Variants in GYS2 observed in about 807,000 individuals in gnomAD.
The protein encoded by GYS2 is glycogen synthase 2, also known as glycogen [starch] synthase, liver.
A neutral mutation model predicts 85.6 loss-of-function variants in GYS2; 80 were observed. The observed-to-expected ratio is 0.93, with a 90% CI of 0.78 to 1.13. The LOEUF (loss-of-function observed/expected upper bound fraction) is 1.13, where lower values mean the gene tolerates loss of function less well. Ranked by LOEUF, GYS2 falls within the 50% of genes most tolerant of loss-of-function variation. The probability of loss-of-function intolerance (pLI) is 0.00; values close to 1 mark genes in which losing one functional copy is unlikely to be tolerated. For missense variants in GYS2, 881 were observed against 854.9 expected, an observed-to-expected ratio of 1.03 and a Z score of -0.38; for synonymous variants, 328 against 300.7, an observed-to-expected ratio of 1.09 and a Z score of -0.94.
chr12:21,541,800 C>T (rs1314812392), intron 13 of GYS2, among the ~76,000 whole-genome samples: 1 of 152,042 alleles, frequency 6.6e-6, no homozygotes, highest in Non-Finnish European at 1.5e-5. Context: ...ATGATCCCAT[C>T]GCCCAGGTGA....
At chr12:21,583,992 G>A (rs112547622) in intron 1 of GYS2, among the ~76,000 whole-genome samples, 2 of 152,302 alleles carry the variant, frequency 1.3e-5, no homozygotes, top group African/African-American at 4.8e-5. Context: ...AGTTCCCTAT[G>A]ATCAGCTGAC....
At chr12:21,557,180 T>G (rs1388688389) in intron 11 of GYS2, among the ~76,000 whole-genome samples, 1 of 152,204 alleles carries the variant, frequency 6.6e-6, no homozygotes, top group Admixed American at 6.5e-5. Flanking sequence ...ATGGGTTCAT[T>G]TGAAAAGATT....
intron 1 of GYS2, among the ~76,000 whole-genome samples, chr12:21,595,756 C>G (rs913489321): frequency 6.6e-6 from 1 of 152,056 alleles, no homozygotes; most frequent in Non-Finnish European, 1.5e-5. Flanking sequence ...CAATCTTAAA[C>G]ATATATGCAC....
chr12:21,581,978 C>G (rs1445703538), intron 1 of GYS2, among the ~76,000 whole-genome samples: 1 of 151,906 alleles, frequency 6.6e-6, no homozygotes, highest in African/African-American at 2.4e-5. Context: ...CTAAACACAA[C>G]AAAAACAAAA....
chr12:21,576,104 G>A lies in GYS2; in HGVS notation c.304-47C>T, dbSNP rs372465993. The A allele has an allele frequency of 9.1e-5, 132 of 1,456,960 alleles. No individual in the cohort carries two copies. In the East Asian group the frequency reaches 1.0e-3, roughly 11 times the overall value. The allele number at this position is 1,456,960 out of a possible 1,614,324, so 90.3% of individuals were successfully genotyped here. ...CATGTAGTGATATTAAGTCATGCAA[G>A]ACAGGACAATGTATTTGCACTCTGA... On this transcript the variant is annotated intron_variant, in intron 2 of 15. Transcript: ENST00000261195.
intron 1 of GYS2, among the ~76,000 whole-genome samples, chr12:21,590,975 C>T (rs1944632115): frequency 6.6e-6 from 1 of 152,060 alleles, no homozygotes; most frequent in Admixed American, 6.5e-5. Context: ...GATACATCTT[C>T]AGAAAAAAGT....
In GYS2 at chr12:21,593,971, T is replaced by C. The variant is rs1944667938; in HGVS notation, c.121+10501A>G. ...GAACAGTTCAAATCAATAAATGTGA[T>C]ACATCACATCAACAAAAAGAACAAA... On this transcript the variant is annotated intron_variant, in intron 1 of 15. Coordinates refer to ENST00000261195, the MANE Select transcript of GYS2 (RefSeq NM_021957.4). 5.3e-5 allele frequency among the ~76,000 whole-genome samples: 8 copies of C among 152,096 alleles called. No individual in the cohort carries two copies. The South Asian group carries it at 1.7e-3, about 31-fold the overall frequency.
chr12:21,553,500 C>T (rs570603821), intron 11 of GYS2, among the ~76,000 whole-genome samples: 115 of 152,306 alleles, frequency 7.6e-4, no homozygotes, highest in South Asian at 4.6e-3. Context: ...TCCTAACTTA[C>T]AGGACTGGCA....
chr12:21,575,674 G>A (rs1944436560), intron 3 of GYS2, among the ~76,000 whole-genome samples, 192 bp downstream of exon 3: 1 of 152,054 alleles, frequency 6.6e-6, no homozygotes, highest in Non-Finnish European at 1.5e-5. Flanking sequence ...ATAGTAATAA[G>A]TATCATTATT....
intron 1 of GYS2, among the ~76,000 whole-genome samples, chr12:21,588,221 A>G (rs1008817997): frequency 3.9e-5 from 6 of 152,224 alleles, no homozygotes; most frequent in African/African-American, 1.4e-4. Flanking sequence ...CTTTCAAAAC[A>G]TATTCCATTT....
At chr12:21,591,616 T>C (rs1045548688) in intron 1 of GYS2, among the ~76,000 whole-genome samples, 14 of 152,180 alleles carry the variant, frequency 9.2e-5, no homozygotes, top group Admixed American at 9.2e-4. Flanking sequence ...GCAAGAAATG[T>C]AGACATCCAG....
intron 15 of GYS2, among the ~76,000 whole-genome samples, chr12:21,538,231 G>A (rs985670149): frequency 4.6e-5 from 7 of 152,170 alleles, no homozygotes; most frequent in Non-Finnish European, 1.0e-4. Flanking sequence ...GAGGGTTTAA[G>A]AAAACCTTAT....
intron 15 of GYS2, among the ~76,000 whole-genome samples, chr12:21,538,958 T>C (rs553574345): frequency 5.3e-5 from 8 of 152,286 alleles, no homozygotes; most frequent in African/African-American, 1.7e-4. Context: ...CACTTTCAAT[T>C]AAAGCAGTCC....
intron 2 of GYS2, among the ~76,000 whole-genome samples, chr12:21,578,116 G>A (rs1591801997): frequency 6.6e-6 from 1 of 152,088 alleles, no homozygotes; most frequent in Admixed American, 6.5e-5. Context: ...CTGTTACCCA[G>A]TTACAACTCT....
At chr12:21,561,501 T>A (rs1944252468) in intron 7 of GYS2, among the ~76,000 whole-genome samples, 1 of 71,204 alleles carries the variant, frequency 1.4e-5, no homozygotes, top group African/African-American at 4.3e-5. Context: ...CAAGGTGCTA[T>A]CAAAAAATAA....
At chr12:21,599,499 T>C (rs1323150040) in intron 1 of GYS2, among the ~76,000 whole-genome samples, 1 of 152,128 alleles carries the variant, frequency 6.6e-6, no homozygotes, top group Non-Finnish European at 1.5e-5. Context: ...CCAAATATTT[T>C]ATATGAAAGG....
chr12:21,580,240 C>A, intron 2 of GYS2, 102 bp downstream of exon 2: 1 of 1,083,860 alleles, frequency 9.2e-7, no homozygotes, highest in Admixed American at 1.7e-5. Context: ...GAAAGTTTTC[C>A]TTAAGTAAGT....
intron 1 of GYS2, among the ~76,000 whole-genome samples, chr12:21,585,563 A>G (rs1944563165): frequency 6.6e-6 from 1 of 150,980 alleles, no homozygotes; most frequent in Admixed American, 6.6e-5. Context: ...CCACCAGGAA[A>G]AAAAAAAAAA....
chr12:21,583,620 C>A (rs1944538118), intron 1 of GYS2, among the ~76,000 whole-genome samples: 1 of 152,136 alleles, frequency 6.6e-6, no homozygotes, highest in South Asian at 2.1e-4. Flanking sequence ...ACAGCGGAGG[C>A]CTCTAGGATT....
Sources: gnomAD v4.1 joint callset for allele counts (sites outside exome capture counted in the v4.1 genomes callset) on GRCh38, gnomAD v4.1.1 for gene constraint, MANE v1.5 for transcripts, NCBI Gene and HGNC (gene_info 2026-07-23, HGNC 2026-07-21) for gene names.